ERC2: variants seen among roughly 807,000 people sequenced by gnomAD.
ERC2 encodes ELKS/RAB6-interacting/CAST family member 2, also known as ERC protein 2.
In ERC2, 42 loss-of-function variants were observed where a neutral mutation model predicts 114.8. That is an observed-to-expected ratio of 0.37 (90% CI 0.29 to 0.47). ERC2 has a LOEUF of 0.47. Among genes scored for constraint, ERC2 ranks in the 20% least tolerant of loss-of-function variants. ERC2 has a pLI of 0.99. For missense variants in ERC2, 939 were observed against 1,150.7 expected (o/e 0.82, Z 2.66); for synonymous variants, 454 against 425.5 (o/e 1.07, Z -0.82).
intron 16 of ERC2, among the ~76,000 whole-genome samples, chr3:55,690,657 C>T (rs1007215071): frequency 6.6e-6 from 1 of 152,050 alleles, no homozygotes; most frequent in African/African-American, 2.4e-5. Context: ...AAACACTCTA[C>T]CCCAAATAGC....
intron 16 of ERC2, among the ~76,000 whole-genome samples, chr3:55,685,752 T>C (rs2062298238): frequency 6.6e-6 from 1 of 152,192 alleles, no homozygotes; most frequent in Non-Finnish European, 1.5e-5. Flanking sequence ...AGAAGGATGC[T>C]ATGATTTGCC....
intron 1 of ERC2, among the ~76,000 whole-genome samples, chr3:56,456,618 C>T (rs549870949): frequency 2.6e-5 from 4 of 152,310 alleles, no homozygotes; most frequent in African/African-American, 9.6e-5. Flanking sequence ...AAGTTCAAAG[C>T]ATCTGACTAA....
intron 17 of ERC2, among the ~76,000 whole-genome samples, chr3:55,594,372 C>T (rs1374653406): frequency 6.6e-6 from 1 of 152,076 alleles, no homozygotes; most frequent in African/African-American, 2.4e-5. Flanking sequence ...ATGAACTGGG[C>T]TTTTGTGGTT....
At chr3:55,898,224 T>C (rs907434054) in intron 13 of ERC2, among the ~76,000 whole-genome samples, 3 of 152,172 alleles carry the variant, frequency 2.0e-5, no homozygotes, top group African/African-American at 7.2e-5. Flanking sequence ...CCAGATGGGA[T>C]TGGGCTCAGT....
At chr3:55,939,319 T>A (rs1056062997) in intron 13 of ERC2, among the ~76,000 whole-genome samples, 3 of 152,236 alleles carry the variant, frequency 2.0e-5, no homozygotes, top group African/African-American at 7.2e-5. Flanking sequence ...TCAGTAAGAA[T>A]TGCCTAAATC....
chr3:56,457,231 C>T (rs537180614), intron 1 of ERC2, among the ~76,000 whole-genome samples: 5 of 152,306 alleles, frequency 3.3e-5, no homozygotes, highest in African/African-American at 1.2e-4. Flanking sequence ...TGAACTTTGT[C>T]CTAGGTGATA....
intron 1 of ERC2, among the ~76,000 whole-genome samples, chr3:56,455,190 T>C (rs996050731): frequency 4.6e-5 from 7 of 151,778 alleles, no homozygotes; most frequent in African/African-American, 1.7e-4. Context: ...ATGGTTACAA[T>C]GGTAAATTTT....
chr3:56,343,947 T>A (rs111341538), intron 2 of ERC2, among the ~76,000 whole-genome samples: 2,295 of 152,300 alleles, frequency 0.015, 20 homozygotes, highest in Non-Finnish European at 0.024. Context: ...AAAGGATTAC[T>A]TATTTGAATA....
intron 3 of ERC2, among the ~76,000 whole-genome samples, chr3:56,213,193 A>G (rs1353119786): frequency 6.6e-6 from 1 of 152,178 alleles, no homozygotes; most frequent in Non-Finnish European, 1.5e-5. Flanking sequence ...CGGTGCACCG[A>G]GCATGAGCCA....
chr3:56,183,192 G>A (rs2150048566), intron 3 of ERC2, among the ~76,000 whole-genome samples: 1 of 152,204 alleles, frequency 6.6e-6, no homozygotes, highest in East Asian at 1.9e-4. Context: ...ATTCCAAAAG[G>A]CAAAAGTTAA....
chr3:55,995,434 G>A (rs1314853905), intron 10 of ERC2, among the ~76,000 whole-genome samples: 1 of 152,168 alleles, frequency 6.6e-6, no homozygotes, highest in Non-Finnish European at 1.5e-5. Context: ...CTGATTTTCA[G>A]GCAAAAGAAC....
intron 4 of ERC2, among the ~76,000 whole-genome samples, chr3:56,154,957 C>A (rs763927273): frequency 5.3e-5 from 8 of 152,152 alleles, no homozygotes; most frequent in Admixed American, 1.3e-4. Flanking sequence ...TCCTGTTAAA[C>A]TTTCTGAGCA....
chr3:56,023,846 G>T (rs1427072020), intron 7 of ERC2, among the ~76,000 whole-genome samples: 3 of 124,334 alleles, frequency 2.4e-5, no homozygotes, highest in Non-Finnish European at 5.5e-5. Flanking sequence ...AAAAGGAAGA[G>T]GCCAGAGTAG....
chr3:55,622,126 G>A (rs2059354639), intron 17 of ERC2, among the ~76,000 whole-genome samples: 2 of 152,224 alleles, frequency 1.3e-5, no homozygotes, highest in Admixed American at 6.5e-5. Context: ...TAACTTGACA[G>A]ACATAACTGT....
intron 10 of ERC2, among the ~76,000 whole-genome samples, chr3:55,993,552 A>G (rs1361544040): frequency 6.6e-6 from 1 of 152,146 alleles, no homozygotes; most frequent in Non-Finnish European, 1.5e-5. Context: ...TCATATGACA[A>G]AATAATCATT....
chr3:56,108,097 C>T (rs371064752), intron 6 of ERC2, among the ~76,000 whole-genome samples: 1 of 152,132 alleles, frequency 6.6e-6, no homozygotes, highest in Non-Finnish European at 1.5e-5. Context: ...GCCTAAGACA[C>T]TTTATTAACA....
chr3:56,005,673 A>G (rs142976371), intron 10 of ERC2, among the ~76,000 whole-genome samples: 10 of 152,178 alleles, frequency 6.6e-5, no homozygotes, highest in African/African-American at 2.2e-4. Context: ...GCCCAGGTCT[A>G]TTTGAGGCCG....
chr3:55,867,113 C>T (rs2062356894), intron 14 of ERC2, among the ~76,000 whole-genome samples: 1 of 151,446 alleles, frequency 6.6e-6, no homozygotes, highest in Non-Finnish European at 1.5e-5. Flanking sequence ...CCCTTCCTTC[C>T]TGTTTTCTTT....
chr3:55,841,673 C>G (rs1040279679), intron 14 of ERC2, among the ~76,000 whole-genome samples: 40 of 152,164 alleles, frequency 2.6e-4, no homozygotes, highest in African/African-American at 8.5e-4. Context: ...ATTATGGTTT[C>G]TACATTTAAA....
Sources: gnomAD v4.1 joint callset for allele counts (sites outside exome capture counted in the v4.1 genomes callset) on GRCh38, gnomAD v4.1.1 for gene constraint, MANE v1.5 for transcripts, NCBI Gene and HGNC (gene_info 2026-07-23, HGNC 2026-07-21) for gene names.